Variants in UNC13C observed in about 807,000 individuals in gnomAD.
UNC13C encodes unc-13 homolog C, also known as protein unc-13 homolog C.
In UNC13C, 174 loss-of-function variants were observed where a neutral mutation model predicts 245.4. The observed-to-expected ratio is 0.71, with a 90% CI of 0.63 to 0.80. The LOEUF is 0.80. UNC13C is among the 30% of genes least tolerant of loss of function. The pLI, the probability that UNC13C is intolerant of heterozygous loss-of-function variation, is 0.00. For missense variants in UNC13C, 2,829 were observed against 2,602.9 expected (o/e 1.09, Z -1.89); for synonymous variants, 992 against 895.1 (o/e 1.11, Z -1.93).
chr15:54,039,684 G>A (rs531658736), intron 2 of UNC13C, among the ~76,000 whole-genome samples: 113 of 151,982 alleles, frequency 7.4e-4, no homozygotes, highest in Non-Finnish European at 1.5e-3. Context: ...TGCCACTTGC[G>A]TGCTGAAGAT....
At chr15:54,306,555 T>C (rs2037729076) in intron 13 of UNC13C, among the ~76,000 whole-genome samples, 1 of 152,092 alleles carries the variant, frequency 6.6e-6, no homozygotes, top group Admixed American at 6.6e-5. Flanking sequence ...TTTGACAGAC[T>C]AATTGTTCAC....
chr15:54,104,156 C>T (rs999788808), intron 2 of UNC13C, among the ~76,000 whole-genome samples: 2 of 152,224 alleles, frequency 1.3e-5, no homozygotes, highest in Non-Finnish European at 2.9e-5. Context: ...ACTTGCTGTA[C>T]CTGCTTCATT....
chr15:54,266,920 G>A (rs1344869170), intron 10 of UNC13C, among the ~76,000 whole-genome samples: 2 of 152,004 alleles, frequency 1.3e-5, no homozygotes, highest in Non-Finnish European at 2.9e-5. Flanking sequence ...GTAATGCTTT[G>A]TGTGGTTCTA....
At chr15:54,556,139 T>C (rs1295267954) in intron 29 of UNC13C, among the ~76,000 whole-genome samples, 1 of 152,016 alleles carries the variant, frequency 6.6e-6, no homozygotes, top group South Asian at 2.1e-4. Flanking sequence ...TTTATATCCA[T>C]ATATATTTAT....
At chr15:54,144,910 T>A (rs1383337709) in intron 4 of UNC13C, among the ~76,000 whole-genome samples, 1 of 151,882 alleles carries the variant, frequency 6.6e-6, no homozygotes, top group Non-Finnish European at 1.5e-5. Context: ...TCTTTATATA[T>A]GAATATAGAG....
chr15:54,517,919 C>T (rs1316250084), intron 24 of UNC13C, among the ~76,000 whole-genome samples: 1 of 152,174 alleles, frequency 6.6e-6, no homozygotes, highest in Non-Finnish European at 1.5e-5. Flanking sequence ...ACTCAAACCT[C>T]ACCTCTTGTT....
intron 2 of UNC13C, among the ~76,000 whole-genome samples, chr15:54,043,121 T>C (rs77022780): frequency 0.034 from 5,138 of 152,304 alleles, 146 homozygotes; most frequent in Admixed American, 0.061. Context: ...TATATGTGGA[T>C]GGGTTTTGAA....
Position 54,078,213 on chromosome 15 carries a change from C to A in UNC13C, c.2983+62327C>A, listed in dbSNP as rs547491008. ...GGCATTCTATAGTGTGTATACATAT[C>A]ATATTTTCTTATCCATTCATCCATT... is the stretch of plus-strand genomic sequence containing the variant. On this transcript the variant is annotated intron_variant, in intron 2 of 32. Coordinates refer to ENST00000260323, the MANE Select transcript of UNC13C (RefSeq NM_001080534.3). 2.0e-5 allele frequency among the ~76,000 whole-genome samples: 3 copies of A among 152,274 alleles called. 1 individual carries two copies. In the South Asian group the frequency reaches 6.2e-4, roughly 32 times the overall value.
chr15:54,329,746 G>A (rs1361640876), intron 14 of UNC13C, among the ~76,000 whole-genome samples: 1 of 152,068 alleles, frequency 6.6e-6, no homozygotes, highest in Non-Finnish European at 1.5e-5. Flanking sequence ...GGCTTTCAGT[G>A]ACAAGAAGCC....
chr15:53,951,332 T>C, the UNC13C span, among the ~76,000 whole-genome samples: 1 of 152,230 alleles, frequency 6.6e-6, no homozygotes, highest in Non-Finnish European at 1.5e-5. Context: ...CTATCTAATG[T>C]ATAAAGGCTT....
chr15:54,455,205 C>CTCTCTCTCTATA (rs1388065398), intron 19 of UNC13C, among the ~76,000 whole-genome samples: 25 of 18,944 alleles, frequency 1.3e-3, no homozygotes, highest in South Asian at 4.2e-3. Context: ...CTCTCTCTCT[C>CTCTCTCTCTATA]TATATATATA....
the UNC13C span, among the ~76,000 whole-genome samples, chr15:53,869,229 C>T: frequency 6.6e-6 from 1 of 152,148 alleles, no homozygotes; most frequent in African/African-American, 2.4e-5. Context: ...CCTGCAGTTA[C>T]GTGGATGGCC....
At chr15:54,264,731 A>C (rs1286335295) in intron 9 of UNC13C, among the ~76,000 whole-genome samples, 1 of 151,858 alleles carries the variant, frequency 6.6e-6, no homozygotes, top group East Asian at 1.9e-4. Context: ...AATCTTTTTA[A>C]ATGAGAAAAG....
At chr15:54,570,537 G>A (rs180997438) in intron 30 of UNC13C, among the ~76,000 whole-genome samples, 6 of 152,246 alleles carry the variant, frequency 3.9e-5, no homozygotes, top group Non-Finnish European at 7.4e-5. Context: ...AAAAAATGGA[G>A]GCAAGCTAAA....
chr15:54,339,195 C>G (rs998809331), intron 17 of UNC13C, among the ~76,000 whole-genome samples: 1 of 152,134 alleles, frequency 6.6e-6, no homozygotes, highest in Non-Finnish European at 1.5e-5. Context: ...AGAAATATTT[C>G]AAAAATACAA....
intron 19 of UNC13C, among the ~76,000 whole-genome samples, chr15:54,473,419 C>A (rs1409432223): frequency 6.6e-6 from 1 of 151,812 alleles, no homozygotes; most frequent in African/African-American, 2.4e-5. Context: ...ACTTTAGTTA[C>A]CCCCGCTGTG....
At chr15:54,446,804 C>T (rs1356413216) in intron 19 of UNC13C, among the ~76,000 whole-genome samples, 2 of 152,122 alleles carry the variant, frequency 1.3e-5, no homozygotes, top group Non-Finnish European at 2.9e-5. Context: ...CCTGATTGCC[C>T]TGGCCAGAAC....
intron 2 of UNC13C, among the ~76,000 whole-genome samples, chr15:54,098,418 G>A (rs761277866): frequency 1.3e-5 from 2 of 152,012 alleles, no homozygotes; most frequent in Admixed American, 6.6e-5. Context: ...CAGGTGATCC[G>A]CCCACCTTGG....
the UNC13C span, among the ~76,000 whole-genome samples, chr15:53,898,011 G>A: frequency 3.3e-5 from 5 of 152,194 alleles, no homozygotes; most frequent in African/African-American, 1.2e-4. Flanking sequence ...ACCTTGCTGA[G>A]CACTGGCATC....
Sources: gnomAD v4.1 joint callset for allele counts (sites outside exome capture counted in the v4.1 genomes callset) on GRCh38, gnomAD v4.1.1 for gene constraint, MANE v1.5 for transcripts, NCBI Gene and HGNC (gene_info 2026-07-23, HGNC 2026-07-21) for gene names.